The following CFAP418 variants were observed in gnomAD, a reference collection of about 807,000 sequenced individuals.
The protein encoded by CFAP418 is cilia and flagella associated protein 418, also known as cilia- and flagella-associated protein 418.
Under a neutral mutation model 24.7 loss-of-function variants are expected in CFAP418, and 27 were observed. That is an observed-to-expected ratio of 1.09 (90% CI 0.81 to 1.51). The LOEUF (loss-of-function observed/expected upper bound fraction) is 1.51, where lower values mean the gene tolerates loss of function less well. CFAP418 is among the 40% of genes most tolerant of loss of function. The pLI is 0.00. For missense variants in CFAP418, 257 were observed against 255.2 expected (o/e 1.01, Z -0.05); for synonymous variants, 74 against 87.3 (o/e 0.85, Z 0.85).
intron 2 of CFAP418, among the ~76,000 whole-genome samples, chr8:95,261,379 G>T (rs1319315369): frequency 4.6e-5 from 7 of 152,118 alleles, no homozygotes; most frequent in Non-Finnish European, 1.0e-4. Flanking sequence ...TTCTGTTTGG[G>T]GAGCATGTTT....
chr8:95,263,619 T>C, intron 2 of CFAP418, 68 bp downstream of exon 2: 1 of 996,390 alleles, frequency 1.0e-6, no homozygotes, highest in Non-Finnish European at 1.6e-6. Context: ...TGTGTCATCT[T>C]TAAGACTATT....
At position 95,259,835 on chromosome 8, in the gene CFAP418, C is replaced by A; in HGVS notation, c.374+5G>T. The A allele has an allele frequency of 1.9e-6, 3 of 1,602,686 alleles. 1 individual carries two copies. The South Asian group carries it at 3.4e-5, about 18-fold the overall frequency. ...AGAAAGTATAATACATTTCTGACAA[C>A]CTACCTCCATGAAATATTTGTTCCA... is the stretch of plus-strand genomic sequence containing the variant. On this transcript the variant is annotated splice_donor_5th_base_variant and intron_variant, in intron 4 of 5. Coordinates refer to ENST00000286688, the MANE Select transcript of CFAP418 (RefSeq NM_177965.4).
chr8:95,265,369 A>G (rs1042270589), intron 1 of CFAP418, among the ~76,000 whole-genome samples: 6 of 152,142 alleles, frequency 3.9e-5, no homozygotes, highest in African/African-American at 1.4e-4. Context: ...CTAGATGACT[A>G]TTTAAAATTT....
intron 1 of CFAP418, among the ~76,000 whole-genome samples, chr8:95,268,675 G>A (rs1812054804): frequency 6.6e-6 from 1 of 151,196 alleles, no homozygotes; most frequent in Non-Finnish European, 1.5e-5. Context: ...GGGGTATCCC[G>A]GTCCCCGACT....
intron 5 of CFAP418, among the ~76,000 whole-genome samples, chr8:95,251,171 C>T (rs1213234760): frequency 6.6e-6 from 1 of 152,186 alleles, no homozygotes; most frequent in Non-Finnish European, 1.5e-5. Flanking sequence ...GGTAGTCATA[C>T]ACCAACCTAA....
rs375086899 is a variant in CFAP418 at position 95,263,650 on chromosome 8, T to A, written c.243+37A>T. On this transcript the variant is annotated intron_variant, in intron 2 of 5. Transcript: ENST00000286688. ...CTATTCTAAACATGTCTTGAAATAA[T>A]GACAGAATTACTACATATTTATAAC... The A allele has an allele frequency of 9.4e-6, 12 of 1,280,268 alleles. No individual in the cohort carries two copies. The African/African-American group carries it at 1.6e-4, about 17-fold the overall frequency. 79.3% of individuals were successfully genotyped at this position (1,280,268 alleles called of 1,614,324 possible). A position where few individuals can be genotyped will look rare whatever the true frequency, so the allele number is the denominator to read the frequency against.
intron 4 of CFAP418, among the ~76,000 whole-genome samples, chr8:95,258,300 T>C (rs1811826387): frequency 7.0e-6 from 1 of 142,896 alleles, no homozygotes; most frequent in Non-Finnish European, 1.5e-5. Context: ...GAGAATGGCG[T>C]GAACCTGGGA....
chr8:95,265,536 C>T (rs562042580), intron 1 of CFAP418, among the ~76,000 whole-genome samples: 25 of 152,122 alleles, frequency 1.6e-4, no homozygotes, highest in Non-Finnish European at 3.2e-4. Flanking sequence ...CTGTTGGGTA[C>T]CAATTCCTTA....
Position 95,258,104 on chromosome 8 carries a change from T to C in CFAP418, c.374+1736A>G, listed in dbSNP as rs112303034. Reference sequence around the variant, plus strand: ...AAGTTTAAAAAGTGAAAAACAGAGCTGGGCGCAGTGGCTCACGCCTGTAAT... The same window carrying C: ...AAGTTTAAAAAGTGAAAAACAGAGCCGGGCGCAGTGGCTCACGCCTGTAAT... On this transcript the variant is annotated intron_variant, in intron 4 of 5. Transcript: ENST00000286688. 8.6e-3 allele frequency among the ~76,000 whole-genome samples: 1,309 copies of C among 152,074 alleles called. 23 individuals are homozygous for C. Among genetic ancestry groups the C allele is most frequent in the African/African-American group, 0.03 (1,264 of 41,482 alleles).
At chr8:95,265,815 C>A (rs922009135) in intron 1 of CFAP418, among the ~76,000 whole-genome samples, 1 of 152,200 alleles carries the variant, frequency 6.6e-6, no homozygotes, top group Non-Finnish European at 1.5e-5. Context: ...GTCAACATTT[C>A]ATTGAGAACT....
chr8:95,268,673 C>G (rs1313010940), intron 1 of CFAP418, among the ~76,000 whole-genome samples: 1 of 151,328 alleles, frequency 6.6e-6, no homozygotes, highest in Admixed American at 6.6e-5. Flanking sequence ...GAGGGGTATC[C>G]CGGTCCCCGA....
chr8:95,265,842 T>C (rs2055056), intron 1 of CFAP418, among the ~76,000 whole-genome samples: 10,995 of 152,304 alleles, frequency 0.072, 592 homozygotes, highest in African/African-American at 0.14. Context: ...TTTAAAGGAC[T>C]GTATAAGACT....
Position 95,269,048 on chromosome 8 carries a change from TC to T in CFAP418, c.141del (p.Glu49ArgfsTer35). The T allele has an allele frequency of 1.2e-6, 2 of 1,614,106 alleles. No individual in the cohort carries two copies. Among genetic ancestry groups the T allele is most frequent in the African/African-American group, 2.7e-5 (2 of 75,060 alleles). ...THSSDRNQAKAKETLRSTETF... is the reference protein window; with the variant it reads ...THSSDRNQAKXKETLRSTETF... ...CGCCCGGTTAACCTGAGCGTCTCTT[TC>T]GCCTTGGCTTGGTTCCGGTCGCTAC... On this transcript the variant is annotated frameshift_variant, in exon 1 of 6. Transcript: ENST00000286688. LOFTEE classifies it high-confidence loss of function.
chr8:95,247,571 A>C lies in CFAP418; in HGVS notation c.*46T>G, dbSNP rs1440217043. 6 of 1,604,686 alleles carry C rather than the reference A, an allele frequency of 3.7e-6. No homozygotes were observed. The highest frequency in any genetic ancestry group is 5.1e-6 in the Non-Finnish European group (6 of 1,172,418). ...GTCTAAACATGATGATGATTCATGGAGACCACTCTCATGGATGCATCTGTC... is the reference window on the plus strand; with the variant it reads ...GTCTAAACATGATGATGATTCATGGCGACCACTCTCATGGATGCATCTGTC... On this transcript the variant is annotated 3_prime_UTR_variant, in exon 6 of 6. Transcript: ENST00000286688.
chr8:95,256,269 T>C (rs563022029), intron 4 of CFAP418, among the ~76,000 whole-genome samples: 2 of 152,360 alleles, frequency 1.3e-5, no homozygotes, highest in South Asian at 4.1e-4. Context: ...CCTGTAATTA[T>C]ATGTATTTCC....
rs1811639432 is a variant in CFAP418 at position 95,247,411 on chromosome 8, C to T, written c.*206G>A. On this transcript the variant is annotated 3_prime_UTR_variant, in exon 6 of 6. Coordinates refer to ENST00000286688, the MANE Select transcript of CFAP418 (RefSeq NM_177965.4). ...GATGCCTGTTACTAAGTGAAACATC[C>T]ATGTATCAGGAATAATTCCAAAGTG... is the stretch of plus-strand genomic sequence containing the variant. 1 of 555,158 alleles carries T rather than the reference C, an allele frequency of 1.8e-6. No individual in the cohort carries two copies. The allele number at this position is 555,158 out of a possible 1,614,324, so 34.4% of individuals were successfully genotyped here. A position where few individuals can be genotyped will look rare whatever the true frequency, so the allele number is the denominator to read the frequency against.
At chr8:95,266,589 G>C (rs916943935) in intron 1 of CFAP418, among the ~76,000 whole-genome samples, 1 of 152,050 alleles carries the variant, frequency 6.6e-6, no homozygotes, top group African/African-American at 2.4e-5. Context: ...TTGCTTCCTA[G>C]CTTTTAAGTA....
At chr8:95,264,078 A>T (rs1247389752) in intron 1 of CFAP418, among the ~76,000 whole-genome samples, 1 of 152,210 alleles carries the variant, frequency 6.6e-6, no homozygotes, top group Non-Finnish European at 1.5e-5. Context: ...TACATAAAGC[A>T]TGTATTTAAT....
rs770088166 is a variant in CFAP418 at position 95,252,224 on chromosome 8, T to C, written c.434A>G (p.Tyr145Cys). Residue 145 changes from tyrosine (Y) to cysteine (C), a missense_variant, in exon 5 of 6, where the codon TAT becomes TGT. Tyr to Cys is a radical substitution (Grantham distance 194). Coordinates refer to ENST00000286688, the MANE Select transcript of CFAP418 (RefSeq NM_177965.4). ...ATAATCACACGATTTGTCCCACATATAGTCATCATAGCTGACTACCAAGAA... is the reference window on the plus strand; with the variant it reads ...ATAATCACACGATTTGTCCCACATACAGTCATCATAGCTGACTACCAAGAA... ...CDFLVVSYDD[Y>C]MWDKSCDYLF... The C allele has an allele frequency of 6.2e-7, 1 of 1,613,784 alleles. No individual in the cohort carries two copies. Among genetic ancestry groups the C allele is most frequent in the Non-Finnish European group, 8.5e-7 (1 of 1,179,772 alleles).
Sources: gnomAD v4.1 joint callset for allele counts (sites outside exome capture counted in the v4.1 genomes callset) on GRCh38, gnomAD v4.1.1 for gene constraint, MANE v1.5 for transcripts, NCBI Gene and HGNC (gene_info 2026-07-23, HGNC 2026-07-21) for gene names.